The following GPBP1L1 variants were observed in gnomAD, a reference collection of about 807,000 sequenced individuals.
GPBP1L1 encodes GC-rich promoter binding protein 1 like 1.
In GPBP1L1, 23 loss-of-function variants were observed where a neutral mutation model predicts 52.5. The ratio of observed to expected loss-of-function variants is 0.44; its 90% CI spans 0.32 to 0.62. The LOEUF (loss-of-function observed/expected upper bound fraction) is 0.62. Ranked by LOEUF, GPBP1L1 falls within the 20% of genes least tolerant of loss-of-function variation. The probability of loss-of-function intolerance (pLI) is 0.06; values close to 1 mark genes in which losing one functional copy is unlikely to be tolerated. For missense variants in GPBP1L1, 596 were observed against 579.3 expected (o/e 1.03, Z -0.30); for synonymous variants, 243 against 203.1 (o/e 1.20, Z -1.67).
In GPBP1L1 at chr1:45,655,292, C is replaced by T. The variant is rs558055843; in HGVS notation, c.88G>A (p.Gly30Arg). The change falls in exon 5 of 13, where the codon GGA (glycine) becomes AGA (arginine). Residue 30 changes from glycine (G) to arginine (R), a missense_variant. Gly to Arg is a moderately radical substitution (Grantham distance 125). Coordinates refer to ENST00000355105, the MANE Select transcript of GPBP1L1 (RefSeq NM_021639.5). ...KSPTATFEKH[G>R]EHLPRGEGRF... Reference sequence around the variant, plus strand: ...CCTTCTCCTCTGGGTAGGTGCTCTCCGTGTTTTTCGAAGGTGGCAGTAGGT... The same window carrying T: ...CCTTCTCCTCTGGGTAGGTGCTCTCTGTGTTTTTCGAAGGTGGCAGTAGGT... 123 of 1,614,054 alleles carry T rather than the reference C, an allele frequency of 7.6e-5. 1 individual carries two copies. In the South Asian group the frequency reaches 1.2e-3, roughly 16 times the overall value.
At chr1:45,673,299 G>A (rs1645097015) in intron 2 of GPBP1L1, among the ~76,000 whole-genome samples, 1 of 152,158 alleles carries the variant, frequency 6.6e-6, no homozygotes, top group South Asian at 2.1e-4. Flanking sequence ...AAAAGTATGG[G>A]TAGGTGCAGA....
chr1:45,633,936 G>T, intron 9 of GPBP1L1, 160 bp downstream of exon 9: 2 of 813,068 alleles, frequency 2.5e-6, no homozygotes, highest in East Asian at 5.3e-5. Flanking sequence ...TTTAGCCACT[G>T]CCCACTTTTG....
In GPBP1L1 at chr1:45,628,251, T is replaced by C. The variant is rs1214404509; in HGVS notation, c.*5A>G. Reference sequence around the variant, plus strand: ...GGTCAGATTTAACTGTGAGCATTTATATGCCTACTTCCAGGCATCGTCATC... The same window carrying C: ...GGTCAGATTTAACTGTGAGCATTTACATGCCTACTTCCAGGCATCGTCATC... On this transcript the variant is annotated 3_prime_UTR_variant, in exon 13 of 13. Transcript: ENST00000355105. 7 of 1,613,244 alleles carry C rather than the reference T, an allele frequency of 4.3e-6. No individual in the cohort carries two copies. Among genetic ancestry groups the C allele is most frequent in the Non-Finnish European group, 5.9e-6 (7 of 1,179,380 alleles).
chr1:45,635,245 AT>A (rs1182484881), intron 8 of GPBP1L1: 1 of 152,230 alleles, frequency 6.6e-6, no homozygotes, highest in East Asian at 1.9e-4. Flanking sequence ...CAGCTAGTAA[AT>A]GAAACCACCT....
intron 12 of GPBP1L1, among the ~76,000 whole-genome samples, chr1:45,628,675 T>C (rs1013267328): frequency 6.6e-6 from 1 of 152,172 alleles, no homozygotes. Flanking sequence ...TATTTATTTA[T>C]TTTTTTGAGA....
At position 45,628,340 on chromosome 1, in the gene GPBP1L1, C is replaced by G. The variant is rs1482376453; in HGVS notation, c.1341G>C (p.Trp447Cys). The change falls in exon 13 of 13, where the codon TGG (tryptophan) becomes TGC (cysteine). Residue 447 changes from tryptophan (W) to cysteine (C), a missense_variant. Trp to Cys is a radical substitution (Grantham distance 215). Coordinates refer to ENST00000355105, the MANE Select transcript of GPBP1L1 (RefSeq NM_021639.5). ...CAAACTCTGCTTTGCAAGTGCTTCT[C>G]CAAGGGGAGAACAGACTGGAACTGC... ...QSRSSSLFSP[W>C]RSTCKAEFED... 5.0e-6 allele frequency: 8 copies of G among 1,613,990 alleles called. No homozygotes were observed. The Admixed American group carries it at 1.2e-4, about 24-fold the overall frequency.
intron 6 of GPBP1L1, chr1:45,651,160 C>G: frequency 2.0e-6 from 1 of 491,276 alleles, no homozygotes; most frequent in Non-Finnish European, 4.0e-6. Flanking sequence ...GTAATTGATC[C>G]TGATAGCTTC....
intron 2 of GPBP1L1, among the ~76,000 whole-genome samples, chr1:45,677,022 C>CAA (rs200668339): frequency 1.7e-4 from 25 of 144,670 alleles, no homozygotes; most frequent in Admixed American, 1.3e-3. Context: ...AGATCTCTAC[C>CAA]AAAAAAAAAC....
At chr1:45,657,673 A>C (rs1644901174) in intron 4 of GPBP1L1, among the ~76,000 whole-genome samples, 1 of 152,170 alleles carries the variant, frequency 6.6e-6, no homozygotes, top group Admixed American at 6.5e-5. Flanking sequence ...CAACATGGTG[A>C]GACCCTATCT....
chr1:45,650,424 CA>C (rs1271355134), intron 6 of GPBP1L1, among the ~76,000 whole-genome samples: 1 of 151,998 alleles, frequency 6.6e-6, no homozygotes, highest in African/African-American at 2.4e-5. Flanking sequence ...TCATGTACTT[CA>C]AAAAAGCAAA....
intron 2 of GPBP1L1, among the ~76,000 whole-genome samples, chr1:45,671,778 G>A (rs949415138): frequency 6.6e-6 from 1 of 151,890 alleles, no homozygotes; most frequent in Non-Finnish European, 1.5e-5. Flanking sequence ...GAGCAGAGAT[G>A]GCATCACTGC....
At chr1:45,648,569 C>G (rs1277730872) in intron 6 of GPBP1L1, among the ~76,000 whole-genome samples, 1 of 152,214 alleles carries the variant, frequency 6.6e-6, no homozygotes, top group Admixed American at 6.5e-5. Context: ...TCCCCCTGCA[C>G]AAATGCTAGT....
intron 2 of GPBP1L1, among the ~76,000 whole-genome samples, chr1:45,662,708 G>A (rs185895034): frequency 6.6e-6 from 1 of 152,246 alleles, no homozygotes; most frequent in East Asian, 1.9e-4. Flanking sequence ...TGAGCGATGG[G>A]TACAAGATGA....
In GPBP1L1 at chr1:45,628,049, A is replaced by T; in HGVS notation, c.*207T>A. The T allele has an allele frequency of 1.8e-6, 1 of 545,252 alleles. No individual in the cohort carries two copies. The highest frequency in any genetic ancestry group is 3.3e-6 in the Non-Finnish European group (1 of 306,164). The allele number at this position is 545,252 out of a possible 1,614,324, so 33.8% of individuals were successfully genotyped here. ...GTGTGTTTAAAAAATCTGTCCCACCACACAAACTTCTCTCTATAAAGCAGA... is the reference window on the plus strand; with the variant it reads ...GTGTGTTTAAAAAATCTGTCCCACCTCACAAACTTCTCTCTATAAAGCAGA... On this transcript the variant is annotated 3_prime_UTR_variant, in exon 13 of 13. Transcript: ENST00000355105.
At chr1:45,664,513 C>T (rs750623074) in intron 2 of GPBP1L1, among the ~76,000 whole-genome samples, 35 of 151,704 alleles carry the variant, frequency 2.3e-4, no homozygotes, top group Admixed American at 7.9e-4. Flanking sequence ...TTGCCGTGAG[C>T]GGAGATGGGC....
chr1:45,637,949 T>G (rs1211223645), intron 8 of GPBP1L1, among the ~76,000 whole-genome samples: 3 of 152,210 alleles, frequency 2.0e-5, no homozygotes, highest in Non-Finnish European at 4.4e-5. Flanking sequence ...GTGAAGAAAC[T>G]TGCTCAAGGA....
intron 2 of GPBP1L1, among the ~76,000 whole-genome samples, chr1:45,671,987 A>ACTT (rs1226798061): frequency 3.4e-4 from 52 of 152,316 alleles, no homozygotes; most frequent in African/African-American, 1.2e-3. Context: ...AGCACGGTCA[A>ACTT]CTTCTTATTT....
chr1:45,675,249 A>G (rs1263202526), intron 2 of GPBP1L1, among the ~76,000 whole-genome samples: 1 of 152,106 alleles, frequency 6.6e-6, no homozygotes, highest in Non-Finnish European at 1.5e-5. Flanking sequence ...GTGAGCCGAG[A>G]TCGAGCCACT....
At chr1:45,643,870 A>G (rs1368293652) in intron 6 of GPBP1L1, among the ~76,000 whole-genome samples, 1 of 151,982 alleles carries the variant, frequency 6.6e-6, no homozygotes, top group Non-Finnish European at 1.5e-5. Context: ...GGGTTTCACC[A>G]TGCTGGCCAG....
Sources: allele counts gnomAD v4.1 joint callset (sites outside exome capture counted in the v4.1 genomes callset), GRCh38; gene constraint gnomAD v4.1.1; transcripts MANE v1.5; gene names NCBI Gene and HGNC (gene_info 2026-07-23, HGNC 2026-07-21).